The following WNT7B variants were observed in gnomAD, a reference collection of about 807,000 sequenced individuals.
WNT7B encodes protein Wnt-7b.
In WNT7B, 19 loss-of-function variants were observed where a neutral mutation model predicts 38.2. The observed-to-expected ratio is 0.50, with a 90% CI of 0.35 to 0.73. WNT7B has a LOEUF of 0.73. Among genes scored for constraint, WNT7B ranks in the 30% least tolerant of loss-of-function variants. WNT7B has a pLI of 0.01. For missense variants in WNT7B, 423 were observed against 507.9 expected (o/e 0.83, Z 1.61); for synonymous variants, 243 against 209.3 (o/e 1.16, Z -1.39).
chr22:45,930,589 C>G (rs2146712516), intron 3 of WNT7B, among the ~76,000 whole-genome samples: 1 of 152,366 alleles, frequency 6.6e-6, no homozygotes, highest in Middle Eastern at 3.4e-3. Flanking sequence ...CCGTCCCGCC[C>G]CATGCAGGAG....
intron 3 of WNT7B, among the ~76,000 whole-genome samples, chr22:45,930,779 C>A (rs988095363): frequency 6.6e-6 from 1 of 152,214 alleles, no homozygotes; most frequent in Non-Finnish European, 1.5e-5. Flanking sequence ...GGGCTGTGGC[C>A]TGGGACCCTC....
At chr22:45,963,717 G>A (rs147373117) in intron 1 of WNT7B, among the ~76,000 whole-genome samples, 129 of 152,240 alleles carry the variant, frequency 8.5e-4, no homozygotes, top group African/African-American at 2.6e-3. Context: ...CGTGGAAGGC[G>A]GTAAGTGGAA....
At chr22:45,974,628 T>A (rs1225612874) in intron 1 of WNT7B, among the ~76,000 whole-genome samples, 1 of 151,372 alleles carries the variant, frequency 6.6e-6, no homozygotes, top group African/African-American at 2.4e-5. Flanking sequence ...GGGGGAGGAG[T>A]TTCCCCTCCA....
chr22:45,964,457 G>T (rs1045693148), intron 1 of WNT7B, among the ~76,000 whole-genome samples: 1 of 152,190 alleles, frequency 6.6e-6, no homozygotes, highest in South Asian at 2.1e-4. Context: ...GGGCACACAG[G>T]AGGAGCCCCA....
intron 2 of WNT7B, among the ~76,000 whole-genome samples, chr22:45,946,286 G>A (rs184554181): frequency 2.2e-4 from 34 of 152,288 alleles, no homozygotes; most frequent in East Asian, 1.2e-3. Flanking sequence ...ATGCTGTTCC[G>A]TCCACCTGGC....
At chr22:45,955,507 A>G (rs980655051) in intron 1 of WNT7B, among the ~76,000 whole-genome samples, 1 of 152,178 alleles carries the variant, frequency 6.6e-6, no homozygotes, top group Admixed American at 6.5e-5. Context: ...ACTCTCAGGG[A>G]TGGCTTCCTC....
intron 2 of WNT7B, among the ~76,000 whole-genome samples, chr22:45,940,616 C>T (rs1247668958): frequency 1.3e-5 from 2 of 152,126 alleles, no homozygotes; most frequent in Admixed American, 6.5e-5. Flanking sequence ...AGTGCAAGGC[C>T]GAGCACACAG....
intron 2 of WNT7B, among the ~76,000 whole-genome samples, chr22:45,946,127 G>A (rs542817712): frequency 6.6e-6 from 1 of 152,290 alleles, no homozygotes; most frequent in Admixed American, 6.5e-5. Context: ...GCCCTCACCT[G>A]CTCAGAATCT....
intron 2 of WNT7B, among the ~76,000 whole-genome samples, chr22:45,949,075 C>T (rs1601730040): frequency 6.6e-6 from 1 of 151,510 alleles, no homozygotes; most frequent in African/African-American, 2.4e-5. Flanking sequence ...AGGTGATCCA[C>T]CCCCCTCGTC....
intron 2 of WNT7B, among the ~76,000 whole-genome samples, chr22:45,942,066 C>G (rs528146983): frequency 4.2e-4 from 64 of 152,274 alleles, no homozygotes; most frequent in South Asian, 1.5e-3. Flanking sequence ...ACCTGATTCC[C>G]AGGCTCTTCA....
At chr22:45,967,692 C>T (rs184147595) in intron 1 of WNT7B, among the ~76,000 whole-genome samples, 8 of 152,178 alleles carry the variant, frequency 5.3e-5, no homozygotes, top group African/African-American at 1.9e-4. Flanking sequence ...GTGACTCAAG[C>T]CTCCGGGGAT....
intron 1 of WNT7B, among the ~76,000 whole-genome samples, chr22:45,970,670 T>C (rs1932414782): frequency 1.3e-5 from 2 of 152,232 alleles, no homozygotes; most frequent in East Asian, 3.9e-4. Context: ...CTGCCAATTC[T>C]CTAGCAAGGC....
At position 45,922,670 on chromosome 22, in the gene WNT7B, G is replaced by A; in HGVS notation, c.*186C>T. 1 of 956,398 alleles carries A rather than the reference G, an allele frequency of 1.0e-6. No homozygotes were observed. The highest frequency in any genetic ancestry group is 1.5e-6 in the Non-Finnish European group (1 of 665,830). The allele number at this position is 956,398 out of a possible 1,614,324, so 59.2% of individuals were successfully genotyped here. On this transcript the variant is annotated 3_prime_UTR_variant, in exon 4 of 4. Transcript: ENST00000339464. ...CAGGAGGTGATGGGAGGAGGTGGCA[G>A]GAAGGAGCCCCAGGGAGGCGGGCAG...
At chr22:45,947,241 C>A (rs538843746) in intron 2 of WNT7B, among the ~76,000 whole-genome samples, 1 of 152,342 alleles carries the variant, frequency 6.6e-6, no homozygotes, top group Non-Finnish European at 1.5e-5. Flanking sequence ...TACTGAGATT[C>A]CCGGCTAAGA....
intron 2 of WNT7B, among the ~76,000 whole-genome samples, chr22:45,939,252 T>C (rs568286647): frequency 4.6e-4 from 70 of 152,268 alleles, no homozygotes; most frequent in Non-Finnish European, 7.4e-4. Context: ...AACTTAAACG[T>C]AGGGTCACCA....
At chr22:45,957,404 C>T (rs1398472638) in intron 1 of WNT7B, among the ~76,000 whole-genome samples, 1 of 152,062 alleles carries the variant, frequency 6.6e-6, no homozygotes, top group East Asian at 1.9e-4. Context: ...AGAAAACAGG[C>T]CGGGCACGGT....
At chr22:45,962,356 G>A (rs368980119) in intron 1 of WNT7B, among the ~76,000 whole-genome samples, 11 of 152,296 alleles carry the variant, frequency 7.2e-5, no homozygotes, top group East Asian at 5.8e-4. Context: ...ACCACAGGAC[G>A]CTGACCTCTG....
In WNT7B at chr22:45,920,968, C is replaced by T. The variant is rs1173310776; in HGVS notation, c.*1888G>A. ...CTGAGGGTGGGGCATTCACGGTGGC[C>T]CGGAGACTCAGAGCGTCCAGGCATG... On this transcript the variant is annotated 3_prime_UTR_variant, in exon 4 of 4. Coordinates refer to ENST00000339464, the MANE Select transcript of WNT7B (RefSeq NM_058238.3). 1 of 152,072 alleles carries T rather than the reference C, an allele frequency of 6.6e-6. No individual in the cohort carries two copies. The highest frequency in any genetic ancestry group is 1.5e-5 in the Non-Finnish European group (1 of 68,054). The allele number at this position is 152,072 out of a possible 1,614,324, so 9.4% of individuals were successfully genotyped here. A position where few individuals can be genotyped will look rare whatever the true frequency, so the allele number is the denominator to read the frequency against.
chr22:45,928,875 A>C (rs1271351940), intron 3 of WNT7B, among the ~76,000 whole-genome samples: 4 of 146,072 alleles, frequency 2.7e-5, no homozygotes, highest in African/African-American at 1.0e-4. Context: ...ACGACATACC[A>C]CGACCTTGGT....
Sources: allele counts gnomAD v4.1 joint callset (sites outside exome capture counted in the v4.1 genomes callset), GRCh38; gene constraint gnomAD v4.1.1; transcripts MANE v1.5; gene names NCBI Gene and HGNC (gene_info 2026-07-23, HGNC 2026-07-21).